TNFSF4: variants seen among roughly 807,000 people sequenced by gnomAD.
TNFSF4 encodes the protein TNF superfamily member 4, also known as tumor necrosis factor ligand superfamily member 4.
Under a neutral mutation model 7.3 loss-of-function variants are expected in TNFSF4, and 4 were observed. That is an observed-to-expected ratio of 0.55 (90% CI 0.27 to 1.25). The LOEUF (loss-of-function observed/expected upper bound fraction) is 1.25, where lower values mean the gene tolerates loss of function less well. TNFSF4 is among the 50% of genes most tolerant of loss of function. The pLI, the probability that TNFSF4 is intolerant of heterozygous loss-of-function variation, is 0.12. For missense variants in TNFSF4, 181 were observed against 208.8 expected (o/e 0.87, Z 0.82); for synonymous variants, 76 against 83.7 (o/e 0.91, Z 0.50).
Position 173,207,244 on chromosome 1 carries a change from T to TC in TNFSF4, c.-69dup. ...GGAACGTGCGATAAAACTGAAGTTT[T>TC]CCCCAGAAAGAAGGAGGTAAAGACA... On this transcript the variant is annotated 5_prime_UTR_variant, in exon 1 of 3. Coordinates refer to ENST00000281834, the MANE Select transcript of TNFSF4 (RefSeq NM_003326.5). 1.3e-6 allele frequency: 2 copies of TC among 1,488,760 alleles called. No homozygotes were observed. Among genetic ancestry groups the TC allele is most frequent in the Non-Finnish European group, 1.8e-6 (2 of 1,088,114 alleles). 92.2% of individuals were successfully genotyped at this position (1,488,760 alleles called of 1,614,324 possible).
chr1:173,380,099 G>T, the TNFSF4 span, among the ~76,000 whole-genome samples: 9 of 152,202 alleles, frequency 5.9e-5, no homozygotes, highest in Admixed American at 5.9e-4. Context: ...TGTCCCAGAT[G>T]ACTGTCCTCA....
chr1:173,397,864 C>T, the TNFSF4 span, among the ~76,000 whole-genome samples: 2 of 152,152 alleles, frequency 1.3e-5, no homozygotes, highest in Admixed American at 6.5e-5. Context: ...TGGTACCCAC[C>T]GAATCCCCAT....
At chr1:173,311,947 TA>T in the TNFSF4 span, among the ~76,000 whole-genome samples, 2 of 152,152 alleles carry the variant, frequency 1.3e-5, no homozygotes, top group Non-Finnish European at 2.9e-5. Flanking sequence ...ATCCTTGAAT[TA>T]GCAATGTCTA....
the TNFSF4 span, among the ~76,000 whole-genome samples, chr1:173,256,836 C>T: frequency 2.6e-5 from 4 of 152,240 alleles, no homozygotes; most frequent in Non-Finnish European, 5.9e-5. Context: ...CTTACTTAAC[C>T]TCTAAAGGGC....
chr1:173,275,491 T>C, the TNFSF4 span, among the ~76,000 whole-genome samples: 2 of 152,132 alleles, frequency 1.3e-5, no homozygotes. Context: ...CCAAGGTGAA[T>C]TGCCTCTGAA....
At chr1:173,390,748 T>TC in the TNFSF4 span, among the ~76,000 whole-genome samples, 2 of 15,420 alleles carry the variant, frequency 1.3e-4, no homozygotes, top group South Asian at 1.9e-3. Flanking sequence ...TTTTTTTTTT[T>TC]TCTTTTTTTT....
the TNFSF4 span, among the ~76,000 whole-genome samples, chr1:173,371,339 T>C: frequency 6.6e-4 from 100 of 152,292 alleles, 4 homozygotes; most frequent in East Asian, 2.9e-3. Flanking sequence ...ACACCCTTAT[T>C]AGGGAGGGAT....
chr1:173,378,375 G>A, the TNFSF4 span, among the ~76,000 whole-genome samples: 2 of 152,218 alleles, frequency 1.3e-5, no homozygotes, highest in African/African-American at 4.8e-5. Context: ...AGGGACCGTT[G>A]TGGGTCCTTG....
chr1:173,336,875 C>T, the TNFSF4 span, among the ~76,000 whole-genome samples: 2 of 151,936 alleles, frequency 1.3e-5, no homozygotes, highest in Non-Finnish European at 2.9e-5. Context: ...CATCTAGCTG[C>T]TCCTACCACC....
At chr1:173,442,554 T>G in the TNFSF4 span, among the ~76,000 whole-genome samples, 9 of 142,932 alleles carry the variant, frequency 6.3e-5, 1 homozygote, top group East Asian at 1.4e-3. Flanking sequence ...TGTTTTTGTT[T>G]TTTTTTTTTT....
At chr1:173,174,173 T>A in the TNFSF4 span, 1 of 152,192 alleles carries the variant, frequency 6.6e-6, no homozygotes, top group African/African-American at 2.4e-5. Flanking sequence ...GAGTGACCTT[T>A]ACTCCAGGTC....
At chr1:173,238,796 T>G in the TNFSF4 span, among the ~76,000 whole-genome samples, 1 of 152,256 alleles carries the variant, frequency 6.6e-6, no homozygotes, top group African/African-American at 2.4e-5. Flanking sequence ...ACTTATACAC[T>G]GCTGGTGGGA....
At chr1:173,175,903 G>A in the TNFSF4 span, among the ~76,000 whole-genome samples, 1 of 152,142 alleles carries the variant, frequency 6.6e-6, no homozygotes, top group Non-Finnish European at 1.5e-5. Flanking sequence ...TAAACTAACA[G>A]AGCAGTCTAC....
At chr1:173,295,378 C>T in the TNFSF4 span, among the ~76,000 whole-genome samples, 1 of 151,924 alleles carries the variant, frequency 6.6e-6, no homozygotes, top group African/African-American at 2.4e-5. Flanking sequence ...ATGTATCCAT[C>T]CCACAAAATA....
the TNFSF4 span, among the ~76,000 whole-genome samples, chr1:173,232,788 T>C: frequency 2.0e-5 from 3 of 152,320 alleles, no homozygotes; most frequent in East Asian, 1.9e-4. Flanking sequence ...TTTGTGTATG[T>C]TGAACCAGCC....
chr1:173,383,962 C>A, the TNFSF4 span, among the ~76,000 whole-genome samples: 1 of 152,194 alleles, frequency 6.6e-6, no homozygotes. Context: ...CAAATGACAA[C>A]TTATGTTGTT....
At chr1:173,403,470 C>G in the TNFSF4 span, among the ~76,000 whole-genome samples, 1 of 152,210 alleles carries the variant, frequency 6.6e-6, no homozygotes, top group Non-Finnish European at 1.5e-5. Flanking sequence ...TTTACCTCCC[C>G]ATGCTTTATG....
At chr1:173,347,878 C>T in the TNFSF4 span, among the ~76,000 whole-genome samples, 85 of 152,298 alleles carry the variant, frequency 5.6e-4, no homozygotes, top group African/African-American at 1.2e-3. Flanking sequence ...ACTCACTAGA[C>T]GCCAGTAGCT....
the TNFSF4 span, among the ~76,000 whole-genome samples, chr1:173,256,552 G>T: frequency 6.6e-6 from 1 of 152,146 alleles, no homozygotes; most frequent in South Asian, 2.1e-4. Flanking sequence ...GAATTTGGGG[G>T]AAGGGGACAC....
Sources: gnomAD v4.1 joint callset for allele counts (sites outside exome capture counted in the v4.1 genomes callset) on GRCh38, gnomAD v4.1.1 for gene constraint, MANE v1.5 for transcripts, NCBI Gene and HGNC (gene_info 2026-07-23, HGNC 2026-07-21) for gene names.